CTXND1: variants seen among roughly 807,000 people sequenced by gnomAD.
CTXND1 encodes the protein cortexin domain-containing 1 protein.
At chr15:80,227,195 G>A (rs1217467662) in intron 1 of CTXND1, among the ~76,000 whole-genome samples, 1 of 151,982 alleles carries the variant, frequency 6.6e-6, no homozygotes, top group Admixed American at 6.5e-5. Context: ...TGGTACACAA[G>A]TAGTGTGTTC....
At chr15:80,251,614 C>T (rs1310713106) in intron 1 of CTXND1, among the ~76,000 whole-genome samples, 2 of 152,218 alleles carry the variant, frequency 1.3e-5, no homozygotes, top group Non-Finnish European at 2.9e-5. Flanking sequence ...CGAGGATCCC[C>T]GAATGGGGAG....
At chr15:80,245,812 T>A (rs1241407485) in intron 1 of CTXND1, among the ~76,000 whole-genome samples, 1 of 152,154 alleles carries the variant, frequency 6.6e-6, no homozygotes, top group African/African-American at 2.4e-5. Context: ...CAAAGTCTCA[T>A]CAAACTCCAC....
chr15:80,250,923 C>T (rs567895638), intron 1 of CTXND1, among the ~76,000 whole-genome samples: 53 of 152,270 alleles, frequency 3.5e-4, no homozygotes, highest in African/African-American at 1.3e-3. Flanking sequence ...ACTTCAACTC[C>T]AGACCCTCGG....
At chr15:80,227,401 A>G (rs962589596) in intron 1 of CTXND1, among the ~76,000 whole-genome samples, 3 of 152,158 alleles carry the variant, frequency 2.0e-5, no homozygotes, top group African/African-American at 7.2e-5. Context: ...GATAAACATG[A>G]TTTATTTAGG....
chr15:80,220,150 T>TATCTATCTATCTATC lies in CTXND1; in HGVS notation c.-217-16425_-217-16411dup, dbSNP rs1567130842. On this transcript the variant is annotated intron_variant, in intron 1 of 2. Coordinates refer to ENST00000560778, the MANE Select transcript of CTXND1 (RefSeq NM_001352888.2). ...TCTATCTATCTATCTATCTATCATCTATCTATCTATCTATCTATCTATTTA... is the reference window on the plus strand; with the variant it reads ...TCTATCTATCTATCTATCTATCATCTATCTATCTATCTATCATCTATCTATCTATCTATCTATTTA... Among the ~76,000 whole-genome samples the TATCTATCTATCTATC allele has an allele frequency of 8.1e-5, 3 of 37,252 alleles. 1 individual carries two copies. 24.4% of individuals were successfully genotyped at this position (37,252 alleles called of 152,430 possible). A position where few individuals can be genotyped will look rare whatever the true frequency, so the allele number is the denominator to read the frequency against.
chr15:80,205,469 A>T (rs1365892055), intron 1 of CTXND1, among the ~76,000 whole-genome samples: 1 of 152,184 alleles, frequency 6.6e-6, no homozygotes, highest in African/African-American at 2.4e-5. Flanking sequence ...GTTGTGAGGG[A>T]TGGTTGTCCT....
intron 1 of CTXND1, among the ~76,000 whole-genome samples, chr15:80,220,909 A>AT (rs1164169948): frequency 9.6e-4 from 135 of 141,234 alleles, no homozygotes; most frequent in African/African-American, 3.0e-3. Flanking sequence ...TATTATTATT[A>AT]TTATTTTTTT....
intron 1 of CTXND1, among the ~76,000 whole-genome samples, chr15:80,229,246 G>T (rs575757403): frequency 6.6e-6 from 1 of 152,242 alleles, no homozygotes; most frequent in East Asian, 1.9e-4. Flanking sequence ...GGAAGGGACA[G>T]GTTTCAGGGT....
chr15:80,244,222 C>G (rs1404135416), intron 1 of CTXND1, among the ~76,000 whole-genome samples: 2 of 152,212 alleles, frequency 1.3e-5, no homozygotes, highest in Non-Finnish European at 2.9e-5. Flanking sequence ...CTGCTAATGC[C>G]TTCTTTCCTC....
chr15:80,206,566 T>C (rs1388252722), intron 1 of CTXND1, among the ~76,000 whole-genome samples: 2 of 152,220 alleles, frequency 1.3e-5, no homozygotes, highest in Admixed American at 6.5e-5. Context: ...TCCCTGATTC[T>C]TACTCTTATT....
At chr15:80,216,186 C>A (rs955588478) in intron 1 of CTXND1, among the ~76,000 whole-genome samples, 1 of 152,128 alleles carries the variant, frequency 6.6e-6, no homozygotes, top group South Asian at 2.1e-4. Flanking sequence ...AGGGCTGGGG[C>A]GGCACCAAGC....
At chr15:80,219,214 G>A (rs937481075) in intron 1 of CTXND1, among the ~76,000 whole-genome samples, 1 of 151,612 alleles carries the variant, frequency 6.6e-6, no homozygotes, top group East Asian at 1.9e-4. Flanking sequence ...CAAAGTACTT[G>A]GGATTACAGG....
At chr15:80,225,332 T>A (rs912306465) in intron 1 of CTXND1, among the ~76,000 whole-genome samples, 1 of 144,516 alleles carries the variant, frequency 6.9e-6, no homozygotes, top group African/African-American at 2.7e-5. Flanking sequence ...ATGTGTGTGT[T>A]TTTTTGTGTC....
intron 1 of CTXND1, among the ~76,000 whole-genome samples, chr15:80,213,884 G>A (rs1008789351): frequency 2.0e-5 from 3 of 151,998 alleles, no homozygotes; most frequent in Admixed American, 6.6e-5. Flanking sequence ...TCTGAGATAC[G>A]CAAAAACCTT....
At chr15:80,225,201 G>A (rs1893359261) in intron 1 of CTXND1, among the ~76,000 whole-genome samples, 2 of 152,138 alleles carry the variant, frequency 1.3e-5, no homozygotes, top group South Asian at 4.1e-4. Flanking sequence ...TAGTGTTAGA[G>A]ATGAAAAAAA....
At chr15:80,237,336 GAAAAAA>G (rs201997173) in intron 1 of CTXND1, among the ~76,000 whole-genome samples, 2 of 101,582 alleles carry the variant, frequency 2.0e-5, no homozygotes, top group Admixed American at 1.1e-4. Context: ...CAGTGTCTCA[GAAAAAA>G]AAAAAAAAAA....
chr15:80,223,217 G>A (rs948649497), intron 1 of CTXND1, among the ~76,000 whole-genome samples: 12 of 152,180 alleles, frequency 7.9e-5, no homozygotes, highest in South Asian at 2.1e-4. Flanking sequence ...CACCATGTCC[G>A]GCTAATTTTG....
rs115333782 is a variant in CTXND1, at chr15:80,203,371, C to T, written c.-66+218G>A. ...ACTGAGGCACTGAGCAGGGAAATGA[C>T]GTATCCAAGGTCCCACATCCCACAC... On this transcript the variant is annotated intron_variant, in intron 2 of 2. Coordinates refer to ENST00000560778, the MANE Select transcript of CTXND1 (RefSeq NM_001352888.2). Among the ~76,000 whole-genome samples, 422 of 152,286 alleles carry T rather than the reference C, an allele frequency of 2.8e-3. 1 individual carries two copies. Among genetic ancestry groups the T allele is most frequent in the Non-Finnish European group, 3.7e-3 (249 of 68,020 alleles).
At chr15:80,243,683 T>G (rs1318562623) in intron 1 of CTXND1, among the ~76,000 whole-genome samples, 5 of 152,258 alleles carry the variant, frequency 3.3e-5, no homozygotes, top group African/African-American at 1.2e-4. Flanking sequence ...AAATGATGCC[T>G]CCCAGCTGAG....
Sources: allele counts gnomAD v4.1 joint callset (sites outside exome capture counted in the v4.1 genomes callset), GRCh38; gene constraint gnomAD v4.1.1; transcripts MANE v1.5; gene names NCBI Gene and HGNC (gene_info 2026-07-23, HGNC 2026-07-21).